The following TMCC1 variants were observed in gnomAD, a reference collection of about 807,000 sequenced individuals.
TMCC1 encodes the protein transmembrane and coiled-coil domain family 1.
In TMCC1, 15 loss-of-function variants were observed where a neutral mutation model predicts 52.4. The observed-to-expected ratio is 0.29, with a 90% CI of 0.19 to 0.44. The LOEUF is 0.44. Ranked by LOEUF, TMCC1 falls within the 20% of genes least tolerant of loss-of-function variation. TMCC1 has a pLI of 1.00. For synonymous variants in TMCC1, 279 were observed against 301.9 expected (o/e 0.92, Z 0.79); for missense variants, 503 against 806.0 (o/e 0.62, Z 4.55).
intron 4 of TMCC1, among the ~76,000 whole-genome samples, chr3:129,803,581 ATT>A (rs771575589): frequency 1.3e-5 from 2 of 152,156 alleles, no homozygotes; most frequent in Non-Finnish European, 2.9e-5. Context: ...AGCACTTTTA[ATT>A]TTGTTTCCTT....
At chr3:129,888,707 A>G (rs1006274017) in intron 1 of TMCC1, among the ~76,000 whole-genome samples, 2 of 152,340 alleles carry the variant, frequency 1.3e-5, no homozygotes, top group South Asian at 4.1e-4. Flanking sequence ...ATAACTCATC[A>G]CCACTAAGTG....
intron 4 of TMCC1, among the ~76,000 whole-genome samples, chr3:129,725,782 T>C (rs2050030020): frequency 6.6e-6 from 1 of 152,182 alleles, no homozygotes; most frequent in African/African-American, 2.4e-5. Flanking sequence ...TTATTACCAA[T>C]TGAAAAGAAA....
intron 4 of TMCC1, among the ~76,000 whole-genome samples, chr3:129,718,250 GTAT>G (rs2049259819): frequency 6.6e-6 from 1 of 152,190 alleles, no homozygotes; most frequent in Admixed American, 6.5e-5. Flanking sequence ...CAAAGATGCA[GTAT>G]TAAATCGTAA....
chr3:129,812,536 A>T (rs1472220987), intron 4 of TMCC1, among the ~76,000 whole-genome samples: 1 of 152,024 alleles, frequency 6.6e-6, no homozygotes, highest in Admixed American at 6.6e-5. Context: ...TTTATTGAAG[A>T]AGCTATAAAT....
At chr3:129,812,487 G>A (rs1196205878) in intron 4 of TMCC1, among the ~76,000 whole-genome samples, 1 of 151,850 alleles carries the variant, frequency 6.6e-6, no homozygotes, top group East Asian at 1.9e-4. Flanking sequence ...CAAATCTCTG[G>A]TACTGAGATT....
At chr3:129,856,920 A>G (rs2060169129) in intron 2 of TMCC1, among the ~76,000 whole-genome samples, 1 of 151,994 alleles carries the variant, frequency 6.6e-6, no homozygotes, top group Non-Finnish European at 1.5e-5. Flanking sequence ...CAAACGAGAC[A>G]TGGGATTTTT....
intron 4 of TMCC1, among the ~76,000 whole-genome samples, chr3:129,713,098 C>T (rs2048824763): frequency 2.0e-5 from 3 of 151,754 alleles, no homozygotes; most frequent in Non-Finnish European, 4.4e-5. Context: ...CCTGACTCTA[C>T]AAAAAATAAA....
At chr3:129,890,684 A>G (rs1389543080) in intron 1 of TMCC1, among the ~76,000 whole-genome samples, 1 of 152,160 alleles carries the variant, frequency 6.6e-6, no homozygotes, top group Non-Finnish European at 1.5e-5. Flanking sequence ...CTATATAACA[A>G]TTTATTTCCT....
At chr3:129,708,659 A>G (rs1431421068) in intron 4 of TMCC1, among the ~76,000 whole-genome samples, 2 of 152,224 alleles carry the variant, frequency 1.3e-5, no homozygotes, top group Non-Finnish European at 2.9e-5. Context: ...CCCAGGAATT[A>G]ATGAAGAGGT....
At chr3:129,889,761 G>C (rs1049424872) in intron 1 of TMCC1, among the ~76,000 whole-genome samples, 4 of 151,928 alleles carry the variant, frequency 2.6e-5, no homozygotes, top group Non-Finnish European at 1.5e-5. Context: ...AAATGCTCAT[G>C]AAACTAGTAT....
intron 4 of TMCC1, among the ~76,000 whole-genome samples, chr3:129,779,938 C>G (rs538951724): frequency 9.2e-5 from 14 of 152,148 alleles, no homozygotes; most frequent in South Asian, 2.1e-4. Context: ...TCCTTAGCTG[C>G]CATGCCAGCA....
intron 2 of TMCC1, among the ~76,000 whole-genome samples, chr3:129,834,390 T>C (rs1347121301): frequency 6.6e-6 from 1 of 152,122 alleles, no homozygotes; most frequent in East Asian, 1.9e-4. Context: ...TTATATTAAA[T>C]TGCATTAAAC....
At chr3:129,779,091 A>T (rs1242830212) in intron 4 of TMCC1, among the ~76,000 whole-genome samples, 1 of 152,132 alleles carries the variant, frequency 6.6e-6, no homozygotes. Flanking sequence ...ATTACAGCAC[A>T]ACATTCTCTA....
intron 4 of TMCC1, among the ~76,000 whole-genome samples, chr3:129,760,454 CTGTGTG>C (rs61394124): frequency 0.12 from 15,466 of 129,008 alleles, 1,192 homozygotes; most frequent in East Asian, 0.27. Flanking sequence ...CAGTCTCGCT[CTGTGTG>C]TGTGTGTGTG....
At chr3:129,702,014 A>T (rs1442750082) in intron 4 of TMCC1, among the ~76,000 whole-genome samples, 1 of 152,152 alleles carries the variant, frequency 6.6e-6, no homozygotes, top group East Asian at 1.9e-4. Flanking sequence ...ATAAAATAAT[A>T]TTTTCAATGT....
chr3:129,884,411 T>G (rs2061598645), intron 1 of TMCC1, among the ~76,000 whole-genome samples: 1 of 152,146 alleles, frequency 6.6e-6, no homozygotes. Flanking sequence ...GAGGATCACT[T>G]GAGCCCAGGA....
At chr3:129,678,040 C>T (rs1218072795) in intron 4 of TMCC1, among the ~76,000 whole-genome samples, 1 of 152,018 alleles carries the variant, frequency 6.6e-6, no homozygotes, top group African/African-American at 2.4e-5. Flanking sequence ...GATTCTCATG[C>T]CTCAGCCTCC....
In TMCC1 at chr3:129,710,784, A is replaced by C. The variant is rs145739506; in HGVS notation, c.577-39520T>G. ...TCTAATGGGAAACTCTCTCTGTAAA[A>C]GACACTAAGTCCAGGATATTTGTGG... is the stretch of plus-strand genomic sequence containing the variant. On this transcript the variant is annotated intron_variant, in intron 4 of 6. Coordinates refer to ENST00000393238, the MANE Select transcript of TMCC1 (RefSeq NM_001017395.5). Among the ~76,000 whole-genome samples, 668 of 152,370 alleles carry C rather than the reference A, an allele frequency of 4.4e-3. 2 individuals carry two copies. The highest frequency in any genetic ancestry group is 6.9e-3 in the Non-Finnish European group (467 of 68,034).
intron 4 of TMCC1, among the ~76,000 whole-genome samples, chr3:129,798,783 C>A (rs1042762678): frequency 2.0e-5 from 3 of 152,178 alleles, no homozygotes; most frequent in African/African-American, 7.2e-5. Context: ...AAGTAATAGT[C>A]TCTTTCAGAA....
Sources: allele counts gnomAD v4.1 joint callset (sites outside exome capture counted in the v4.1 genomes callset), GRCh38; gene constraint gnomAD v4.1.1; transcripts MANE v1.5; gene names NCBI Gene and HGNC (gene_info 2026-07-23, HGNC 2026-07-21).